FGF12: variants seen among roughly 807,000 people sequenced by gnomAD.
FGF12 encodes the protein fibroblast growth factor 12B.
Under a neutral mutation model 23.6 loss-of-function variants are expected in FGF12, and 14 were observed. That is an observed-to-expected ratio of 0.59 (90% CI 0.39 to 0.93). The LOEUF is 0.93. Ranked by LOEUF, FGF12 falls within the 40% of genes least tolerant of loss-of-function variation. FGF12 has a pLI of 0.00. For synonymous variants in FGF12, 62 were observed against 77.3 expected, an observed-to-expected ratio of 0.80 and a Z score of 1.04; for missense variants, 175 against 217.8, an observed-to-expected ratio of 0.80 and a Z score of 1.24.
chr3:192,610,826 CT>C (rs1261722129), intron 2 of FGF12, among the ~76,000 whole-genome samples: 1 of 152,024 alleles, frequency 6.6e-6, no homozygotes, highest in African/African-American at 2.4e-5. Flanking sequence ...TCTGCTCTTG[CT>C]GTGCCCTCAG....
In FGF12 at chr3:192,625,875, A is replaced by G. The variant is rs139172753; in HGVS notation, c.13+101306T>C. Among the ~76,000 whole-genome samples the G allele has an allele frequency of 9.2e-4, 140 of 152,318 alleles. 3 individuals carry two copies. The East Asian group carries it at 0.025, about 27-fold the overall frequency. On this transcript the variant is annotated intron_variant, in intron 2 of 5. Transcript: ENST00000445105. ...TAAACTTTAAAAACCTAATACCATG[A>G]ACTGCAATTTTTCCCAAGATCCCAA...
At chr3:192,161,346 C>T (rs529609894) in intron 5 of FGF12, among the ~76,000 whole-genome samples, 1 of 152,084 alleles carries the variant, frequency 6.6e-6, no homozygotes, top group Admixed American at 6.6e-5. Context: ...GTCCTTAATT[C>T]TTCCATGAGA....
At position 192,407,882 on chromosome 3, in the gene FGF12, G is replaced by C. The variant is rs529340932; in HGVS notation, c.14-47344C>G. 1.6e-5 allele frequency: 15 copies of C among 932,152 alleles called. No homozygotes were observed. The East Asian group carries it at 2.0e-4, about 12-fold the overall frequency. 57.7% of individuals were successfully genotyped at this position (932,152 alleles called of 1,614,324 possible). A position where few individuals can be genotyped will look rare whatever the true frequency, so the allele number is the denominator to read the frequency against. ...GAAGCTATTAACTGACAGAGTGGTT[G>C]AAAGAAGTCTGGAAATGAGAGAAGA... On this transcript the variant is annotated intron_variant, in intron 2 of 5. Transcript: ENST00000445105.
chr3:192,383,393 T>A (rs1576933195), intron 2 of FGF12, among the ~76,000 whole-genome samples: 2 of 151,890 alleles, frequency 1.3e-5, no homozygotes, highest in Non-Finnish European at 2.9e-5. Flanking sequence ...TGACAGTAAA[T>A]CAGAGGGGGA....
intron 4 of FGF12, among the ~76,000 whole-genome samples, chr3:192,255,095 T>A (rs1476964963): frequency 6.6e-6 from 1 of 151,954 alleles, no homozygotes; most frequent in Non-Finnish European, 1.5e-5. Flanking sequence ...GAAAAATACT[T>A]TAATTGCTGA....
At chr3:192,410,757 T>A (rs1721174338) in intron 2 of FGF12, among the ~76,000 whole-genome samples, 1 of 152,064 alleles carries the variant, frequency 6.6e-6, no homozygotes, top group South Asian at 2.1e-4. Flanking sequence ...TGACTCCAGG[T>A]GCGGCGAGGG....
chr3:192,557,213 A>G (rs550390637), intron 2 of FGF12, among the ~76,000 whole-genome samples: 24 of 151,914 alleles, frequency 1.6e-4, no homozygotes, highest in Non-Finnish European at 3.4e-4. Context: ...TAAAGTAGAA[A>G]TAAATAAAAT....
At position 192,656,314 on chromosome 3, in the gene FGF12, CACACACAG is replaced by C. The variant is rs771262709; in HGVS notation, c.13+70859_13+70866del. Among the ~76,000 whole-genome samples, 578 of 124,938 alleles carry C rather than the reference CACACACAG, an allele frequency of 4.6e-3. 4 individuals carry two copies. The highest frequency in any genetic ancestry group is 0.017 in the African/African-American group (529 of 30,588). 82.0% of individuals were successfully genotyped at this position (124,938 alleles called of 152,430 possible). A position where few individuals can be genotyped will look rare whatever the true frequency, so the allele number is the denominator to read the frequency against. On this transcript the variant is annotated intron_variant, in intron 2 of 5. Coordinates refer to ENST00000445105, the MANE Select transcript of FGF12 (RefSeq NM_004113.6). ...ACACACACACACACACACACACACACACACACAGAGAGAGAATTATAGTAAAGCAGATA... is the reference window on the plus strand; with the variant it reads ...ACACACACACACACACACACACACACAGAGAGAATTATAGTAAAGCAGATA...
intron 2 of FGF12, among the ~76,000 whole-genome samples, chr3:192,695,434 C>T (rs563985562): frequency 2.6e-5 from 4 of 152,146 alleles, no homozygotes; most frequent in Non-Finnish European, 5.9e-5. Flanking sequence ...TTTGCATGTA[C>T]ATATACGTGA....
chr3:192,499,599 T>G (rs1577020663), intron 2 of FGF12, among the ~76,000 whole-genome samples: 1 of 140,262 alleles, frequency 7.1e-6, no homozygotes, highest in South Asian at 2.6e-4. Flanking sequence ...TGGCGCAATC[T>G]TGGCTCACTG....
intron 2 of FGF12, among the ~76,000 whole-genome samples, chr3:192,493,429 T>A (rs1723857596): frequency 6.6e-6 from 1 of 152,200 alleles, no homozygotes; most frequent in African/African-American, 2.4e-5. Context: ...CAAGTCTATG[T>A]GCTAAGGGTT....
At position 192,287,894 on chromosome 3, in the gene FGF12, G is replaced by A. The variant is rs375242190; in HGVS notation, c.228+47467C>T. Reference sequence around the variant, plus strand: ...AACACAAACACATTAGAGCAGAAGCGCAGACAAAAGATACTTCTTTAACCC... The same window carrying A: ...AACACAAACACATTAGAGCAGAAGCACAGACAAAAGATACTTCTTTAACCC... On this transcript the variant is annotated intron_variant, in intron 4 of 5. Coordinates refer to ENST00000445105, the MANE Select transcript of FGF12 (RefSeq NM_004113.6). Among the ~76,000 whole-genome samples the A allele has an allele frequency of 8.2e-4, 125 of 152,122 alleles. 1 individual carries two copies. The highest frequency in any genetic ancestry group is 2.8e-3 in the African/African-American group (116 of 41,534).
intron 4 of FGF12, among the ~76,000 whole-genome samples, chr3:192,224,946 C>T (rs112568302): frequency 4.6e-5 from 7 of 152,106 alleles, no homozygotes; most frequent in South Asian, 2.1e-4. Context: ...ATACCATACC[C>T]GGAATTCTGA....
At position 192,727,314 on chromosome 3, in the gene FGF12, C is replaced by G. The variant is rs1313984810; in HGVS notation, c.-121G>C. ...TTTCGCCCGTACTTCCTTCCTTCCCCTCAGGCTTCCTGAAAGATGGGATTT... is the reference window on the plus strand; with the variant it reads ...TTTCGCCCGTACTTCCTTCCTTCCCGTCAGGCTTCCTGAAAGATGGGATTT... On this transcript the variant is annotated 5_prime_UTR_variant, in exon 2 of 6. Coordinates refer to ENST00000445105, the MANE Select transcript of FGF12 (RefSeq NM_004113.6). The G allele has an allele frequency of 1.9e-6, 3 of 1,550,268 alleles. No homozygotes were observed. Among genetic ancestry groups the G allele is most frequent in the African/African-American group, 1.4e-5 (1 of 73,004 alleles).
chr3:192,548,442 A>G (rs186857456), intron 2 of FGF12, among the ~76,000 whole-genome samples: 1 of 152,290 alleles, frequency 6.6e-6, no homozygotes, highest in African/African-American at 2.4e-5. Context: ...AATCACTCAG[A>G]AAAACTCACA....
chr3:192,401,259 A>C (rs1050798148), intron 2 of FGF12, among the ~76,000 whole-genome samples: 1 of 152,172 alleles, frequency 6.6e-6, no homozygotes. Context: ...ATCTCTTTTG[A>C]TATCTTATTG....
At chr3:192,630,689 A>G (rs1316205114) in intron 2 of FGF12, among the ~76,000 whole-genome samples, 1 of 150,398 alleles carries the variant, frequency 6.6e-6, no homozygotes, top group South Asian at 2.1e-4. Context: ...AGTAGCTGGG[A>G]CTACAGGCGC....
At chr3:192,719,792 AAAAAAAAAAAAAG>A (rs1415596473) in intron 2 of FGF12, among the ~76,000 whole-genome samples, 1 of 138,356 alleles carries the variant, frequency 7.2e-6, no homozygotes, top group East Asian at 2.4e-4. Context: ...AGGGCAAAAA[AAAAAAAAAAAAAG>A]AAAAACAAGA....
At chr3:192,536,150 T>C (rs934383041) in intron 2 of FGF12, among the ~76,000 whole-genome samples, 1 of 152,198 alleles carries the variant, frequency 6.6e-6, no homozygotes, top group African/African-American at 2.4e-5. Flanking sequence ...AAACTGCCTG[T>C]TTTTGAAAAT....
Sources: allele counts gnomAD v4.1 joint callset (sites outside exome capture counted in the v4.1 genomes callset), GRCh38; gene constraint gnomAD v4.1.1; transcripts MANE v1.5; gene names NCBI Gene and HGNC (gene_info 2026-07-23, HGNC 2026-07-21).